The following TRHDE variants were observed in gnomAD, a reference collection of about 807,000 sequenced individuals.
TRHDE encodes the protein thyrotropin-releasing hormone-degrading ectoenzyme.
A neutral mutation model predicts 125.7 loss-of-function variants in TRHDE; 72 were observed. That is an observed-to-expected ratio of 0.57 (90% CI 0.47 to 0.70). The LOEUF (loss-of-function observed/expected upper bound fraction) is 0.70. Among genes scored for constraint, TRHDE ranks in the 30% least tolerant of loss-of-function variants. The probability of loss-of-function intolerance (pLI) is 0.00; values close to 1 mark genes in which losing one functional copy is unlikely to be tolerated. For synonymous variants in TRHDE, 509 were observed against 509.1 expected (o/e 1.00, Z 0.00); for missense variants, 1,110 against 1,327.1 (o/e 0.84, Z 2.54).
intron 18 of TRHDE, among the ~76,000 whole-genome samples, chr12:72,657,882 T>C (rs1034345307): frequency 1.3e-5 from 2 of 152,156 alleles, no homozygotes; most frequent in African/African-American, 4.8e-5. Context: ...AAAATATAGC[T>C]GATATTTGAC....
At chr12:72,212,465 A>T (rs1877802813) in intron 2 of TRHDE, among the ~76,000 whole-genome samples, 1 of 152,150 alleles carries the variant, frequency 6.6e-6, no homozygotes, top group Non-Finnish European at 1.5e-5. Flanking sequence ...CAAACCACAT[A>T]TCTGATAAGG....
chr12:72,434,436 C>T (rs1437685829), intron 3 of TRHDE, among the ~76,000 whole-genome samples: 2 of 150,336 alleles, frequency 1.3e-5, no homozygotes, highest in East Asian at 3.9e-4. Context: ...TGACCAACTT[C>T]CAAATACTTT....
rs527694923 is a variant in TRHDE at position 72,132,778 on chromosome 12, G to T, written n.279+27026G>T. 3.9e-5 allele frequency among the ~76,000 whole-genome samples: 6 copies of T among 152,290 alleles called. No individual in the cohort carries two copies. The South Asian group carries it at 1.2e-3, about 32-fold the overall frequency. On this transcript the variant is annotated intron_variant and non_coding_transcript_variant, in intron 2 of 4. Transcript: ENST00000548156. Reference sequence around the variant, plus strand: ...CCTAACAAGCAGACATGAACACAGAGAATTATCTTTCAGGACAGACTGATA... The same window carrying T: ...CCTAACAAGCAGACATGAACACAGATAATTATCTTTCAGGACAGACTGATA...
chr12:72,548,221 C>CT lies in TRHDE; in HGVS notation c.1788+5865_1788+5866insT, dbSNP rs536993278. On this transcript the variant is annotated intron_variant, in intron 7 of 18. Coordinates refer to ENST00000261180, the MANE Select transcript of TRHDE (RefSeq NM_013381.3). ...GGAGTATAAATATACTGCAATTTTG[C>CT]CCTCATTTTTTTGTCTGTCTCTGTA... is the stretch of plus-strand genomic sequence containing the variant. Among the ~76,000 whole-genome samples, 201 of 151,642 alleles carry CT rather than the reference C, an allele frequency of 1.3e-3. 4 individuals are homozygous for CT. The South Asian group carries it at 0.037, about 28-fold the overall frequency.
chr12:72,210,628 C>T (rs542051935), intron 2 of TRHDE, among the ~76,000 whole-genome samples: 19 of 152,150 alleles, frequency 1.2e-4, no homozygotes, highest in South Asian at 8.3e-4. Flanking sequence ...TAAGATGTTA[C>T]GACTGGTTAA....
At chr12:72,277,546 T>C (rs1266970084) in intron 1 of TRHDE, among the ~76,000 whole-genome samples, 1 of 152,202 alleles carries the variant, frequency 6.6e-6, no homozygotes, top group Non-Finnish European at 1.5e-5. Context: ...TAAAAACTTT[T>C]TTCTGTGATT....
chr12:72,500,969 A>G (rs1038267356), intron 6 of TRHDE, among the ~76,000 whole-genome samples: 5 of 151,270 alleles, frequency 3.3e-5, no homozygotes, highest in Non-Finnish European at 7.4e-5. Context: ...TTATGTTTAT[A>G]AAACAATTTG....
chr12:72,490,145 G>T (rs574119724), intron 5 of TRHDE, among the ~76,000 whole-genome samples: 20 of 151,540 alleles, frequency 1.3e-4, no homozygotes, highest in South Asian at 4.2e-4. Flanking sequence ...CTTAATAGTA[G>T]AAAAAATAAT....
chr12:72,157,525 T>G (rs1236132637), intron 2 of TRHDE, among the ~76,000 whole-genome samples: 1 of 152,164 alleles, frequency 6.6e-6, no homozygotes, highest in Non-Finnish European at 1.5e-5. Context: ...CCAAGTATAC[T>G]TAAAAGGAAG....
intron 7 of TRHDE, among the ~76,000 whole-genome samples, chr12:72,547,763 T>G (rs1302409257): frequency 6.6e-6 from 1 of 151,796 alleles, no homozygotes; most frequent in Non-Finnish European, 1.5e-5. Context: ...CAAAGAGTAA[T>G]GATGACTAAG....
chr12:72,613,328 T>C (rs1872697976), intron 12 of TRHDE, among the ~76,000 whole-genome samples: 1 of 152,198 alleles, frequency 6.6e-6, no homozygotes, highest in Non-Finnish European at 1.5e-5. Flanking sequence ...ATCTTCTATA[T>C]GTGTTATCAT....
intron 2 of TRHDE, among the ~76,000 whole-genome samples, chr12:72,203,765 C>A (rs1877610688): frequency 6.6e-6 from 1 of 151,984 alleles, no homozygotes; most frequent in Admixed American, 6.6e-5. Context: ...TTCTATTATA[C>A]CCCTAAGTGA....
chr12:72,658,460 CTCTTT>C (rs1348064743), intron 18 of TRHDE, among the ~76,000 whole-genome samples: 7 of 152,230 alleles, frequency 4.6e-5, no homozygotes, highest in South Asian at 2.1e-4. Flanking sequence ...TTCTCTCCTT[CTCTTT>C]TATCTCCTCT....
intron 15 of TRHDE, among the ~76,000 whole-genome samples, chr12:72,633,025 T>C (rs1198558487): frequency 6.6e-6 from 1 of 152,080 alleles, no homozygotes; most frequent in Non-Finnish European, 1.5e-5. Flanking sequence ...ATCATCCCTC[T>C]TTCTGACTAT....
chr12:72,182,893 G>T (rs1877122958), intron 2 of TRHDE, among the ~76,000 whole-genome samples: 1 of 152,156 alleles, frequency 6.6e-6, no homozygotes, highest in South Asian at 2.1e-4. Context: ...CTGGCGAGAG[G>T]CTTATTTTCT....
intron 2 of TRHDE, among the ~76,000 whole-genome samples, chr12:72,152,401 C>T (rs1876389866): frequency 6.6e-6 from 1 of 151,830 alleles, no homozygotes; most frequent in Non-Finnish European, 1.5e-5. Context: ...CTTCTCCTGC[C>T]TCATTGCCCT....
chr12:72,562,362 ATTTT>A (rs1225029262), intron 8 of TRHDE, 132 bp downstream of exon 8: 9 of 484,708 alleles, frequency 1.9e-5, no homozygotes, highest in South Asian at 3.9e-5. Flanking sequence ...GTTCATATTG[ATTTT>A]TTGTTTTATA....
chr12:72,641,282 T>C lies in TRHDE; in HGVS notation c.2676-11040T>C, dbSNP rs944619303. The stretch of plus-strand genomic sequence containing the variant: ...TATTATTCAACAGCATTTTTATATA[T>C]TGAATGTGTTTTCTTCTAACAGTAA... On this transcript the variant is annotated intron_variant, in intron 15 of 18. Transcript: ENST00000261180. 2.6e-5 allele frequency among the ~76,000 whole-genome samples: 4 copies of C among 152,356 alleles called. No homozygotes were observed. In the East Asian group the frequency reaches 7.7e-4, roughly 29 times the overall value.
At chr12:72,558,685 G>C (rs1870034418) in intron 7 of TRHDE, among the ~76,000 whole-genome samples, 1 of 152,118 alleles carries the variant, frequency 6.6e-6, no homozygotes, top group Non-Finnish European at 1.5e-5. Context: ...AGACAAACAG[G>C]TAAGGGAAAG....
Sources: gnomAD v4.1 joint callset for allele counts (sites outside exome capture counted in the v4.1 genomes callset) on GRCh38, gnomAD v4.1.1 for gene constraint, MANE v1.5 for transcripts, NCBI Gene and HGNC (gene_info 2026-07-23, HGNC 2026-07-21) for gene names.